SUCLG2: variants seen among roughly 807,000 people sequenced by gnomAD.
The protein encoded by SUCLG2 is succinate--CoA ligase [GDP-forming] subunit beta, mitochondrial.
A neutral mutation model predicts 47.9 loss-of-function variants in SUCLG2; 42 were observed. The observed-to-expected ratio is 0.88, with a 90% CI of 0.69 to 1.14. SUCLG2 has a LOEUF of 1.14. Among genes scored for constraint, SUCLG2 ranks in the 50% most tolerant of loss-of-function variants. The probability of loss-of-function intolerance (pLI) is 0.00; values close to 1 mark genes in which losing one functional copy is unlikely to be tolerated. For missense variants in SUCLG2, 571 were observed against 525.9 expected (o/e 1.09, Z -0.84); for synonymous variants, 195 against 197.3 (o/e 0.99, Z 0.10).
intron 9 of SUCLG2, among the ~76,000 whole-genome samples, chr3:67,481,299 G>T (rs570850453): frequency 6.6e-6 from 1 of 152,310 alleles, no homozygotes; most frequent in Admixed American, 6.5e-5. Flanking sequence ...ACTGGCATGG[G>T]TCCAACCACA....
intron 1 of SUCLG2, among the ~76,000 whole-genome samples, chr3:67,637,480 G>C (rs1189543383): frequency 6.6e-6 from 1 of 152,134 alleles, no homozygotes; most frequent in East Asian, 1.9e-4. Flanking sequence ...TCAAAAGCTA[G>C]GACATTTTAA....
intron 2 of SUCLG2, among the ~76,000 whole-genome samples, chr3:67,570,582 C>G (rs1367892550): frequency 6.6e-6 from 1 of 152,190 alleles, no homozygotes; most frequent in Non-Finnish European, 1.5e-5. Flanking sequence ...GTGGGGAACA[C>G]AGAGGCTGAA....
At chr3:67,579,252 C>A (rs1707820901) in intron 2 of SUCLG2, among the ~76,000 whole-genome samples, 1 of 151,980 alleles carries the variant, frequency 6.6e-6, no homozygotes, top group East Asian at 1.9e-4. Flanking sequence ...TAAATCATGG[C>A]AAGATAAGGC....
intron 1 of SUCLG2, among the ~76,000 whole-genome samples, chr3:67,619,443 G>A (rs893689747): frequency 6.6e-6 from 1 of 152,180 alleles, no homozygotes; most frequent in African/African-American, 2.4e-5. Flanking sequence ...CAGTGCTGGT[G>A]TATTATCTCC....
chr3:67,533,536 T>A (rs1018468647), intron 2 of SUCLG2, among the ~76,000 whole-genome samples: 10 of 152,120 alleles, frequency 6.6e-5, no homozygotes, highest in Non-Finnish European at 1.2e-4. Flanking sequence ...AATTTCAGAT[T>A]TACCTATTAC....
chr3:67,585,138 C>A (rs1707983425), intron 2 of SUCLG2, among the ~76,000 whole-genome samples: 3 of 152,170 alleles, frequency 2.0e-5, no homozygotes, highest in Admixed American at 2.0e-4. Flanking sequence ...AAAGCCAGCA[C>A]CCCTCTAGTT....
chr3:67,501,575 T>G (rs1304977269), intron 7 of SUCLG2, among the ~76,000 whole-genome samples: 2 of 152,142 alleles, frequency 1.3e-5, no homozygotes, highest in African/African-American at 4.8e-5. Context: ...TAGGAGAGTC[T>G]TTTGTTCTAT....
intron 4 of SUCLG2, among the ~76,000 whole-genome samples, chr3:67,525,088 G>T (rs562376501): frequency 6.6e-6 from 1 of 152,068 alleles, no homozygotes; most frequent in South Asian, 2.1e-4. Context: ...TATACCAAAC[G>T]TATATGCTGA....
At chr3:67,493,080 C>T (rs1705242962) in intron 9 of SUCLG2, among the ~76,000 whole-genome samples, 1 of 152,120 alleles carries the variant, frequency 6.6e-6, no homozygotes, top group Non-Finnish European at 1.5e-5. Context: ...CAATTGACAC[C>T]TTTGAAATAA....
At chr3:67,549,803 G>T (rs948536733) in intron 2 of SUCLG2, among the ~76,000 whole-genome samples, 9 of 151,738 alleles carry the variant, frequency 5.9e-5, no homozygotes, top group African/African-American at 1.5e-4. Context: ...AATATGCCAA[G>T]ATATTAACTC....
intron 2 of SUCLG2, among the ~76,000 whole-genome samples, chr3:67,608,578 G>A (rs888772671): frequency 2.6e-5 from 4 of 151,972 alleles, no homozygotes; most frequent in African/African-American, 9.7e-5. Flanking sequence ...AAAAAGAGCT[G>A]GGATGAAAAC....
intron 7 of SUCLG2, among the ~76,000 whole-genome samples, chr3:67,507,958 T>C (rs1705683317): frequency 6.6e-6 from 1 of 152,090 alleles, no homozygotes; most frequent in Admixed American, 6.5e-5. Flanking sequence ...ACTTTACCCC[T>C]TACCACACAC....
chr3:67,521,840 G>T (rs1706115015), intron 4 of SUCLG2, among the ~76,000 whole-genome samples: 1 of 151,770 alleles, frequency 6.6e-6, no homozygotes, highest in African/African-American at 2.4e-5. Flanking sequence ...GGCTGGTCTT[G>T]AACTGCTGAC....
At chr3:67,454,269 A>G (rs1250830445) in intron 9 of SUCLG2, among the ~76,000 whole-genome samples, 1 of 152,194 alleles carries the variant, frequency 6.6e-6, no homozygotes, top group Non-Finnish European at 1.5e-5. Flanking sequence ...GCTGGTATAT[A>G]GAGTAATTGT....
At chr3:67,601,529 A>G (rs1258192514) in intron 2 of SUCLG2, among the ~76,000 whole-genome samples, 1 of 152,208 alleles carries the variant, frequency 6.6e-6, no homozygotes, top group African/African-American at 2.4e-5. Context: ...TTTATAGCCC[A>G]TAAAGTACCC....
intron 2 of SUCLG2, among the ~76,000 whole-genome samples, chr3:67,600,308 C>T (rs938097556): frequency 2.6e-5 from 4 of 152,050 alleles, no homozygotes; most frequent in African/African-American, 4.8e-5. Context: ...TCTTTCATGA[C>T]GGCTCAAAAC....
chr3:67,475,964 G>C (rs949119377), intron 9 of SUCLG2, among the ~76,000 whole-genome samples: 2 of 150,360 alleles, frequency 1.3e-5, no homozygotes, highest in African/African-American at 5.0e-5. Flanking sequence ...CACAGAATTT[G>C]AGTATTCCTT....
intron 9 of SUCLG2, among the ~76,000 whole-genome samples, chr3:67,491,738 T>A (rs939726439): frequency 6.6e-6 from 1 of 152,256 alleles, no homozygotes; most frequent in African/African-American, 2.4e-5. Flanking sequence ...ACTTAAAATT[T>A]GTATACTGTT....
At chr3:67,603,608 AC>A (rs1471737177) in intron 2 of SUCLG2, among the ~76,000 whole-genome samples, 1 of 152,192 alleles carries the variant, frequency 6.6e-6, no homozygotes, top group African/African-American at 2.4e-5. Context: ...TTCTTTCCCA[AC>A]AAAAAATAAA....
Sources: gnomAD v4.1 joint callset for allele counts (sites outside exome capture counted in the v4.1 genomes callset) on GRCh38, gnomAD v4.1.1 for gene constraint, MANE v1.5 for transcripts, NCBI Gene and HGNC (gene_info 2026-07-23, HGNC 2026-07-21) for gene names.